Variants in MAST4 observed in about 807,000 individuals in gnomAD.
MAST4 encodes the protein microtubule-associated serine/threonine-protein kinase 4.
Under a neutral mutation model 162.7 loss-of-function variants are expected in MAST4, and 89 were observed. That is an observed-to-expected ratio of 0.55 (90% confidence interval 0.46 to 0.65). MAST4 has a LOEUF of 0.65. Ranked by LOEUF, MAST4 falls within the 30% of genes least tolerant of loss-of-function variation. The probability of loss-of-function intolerance (pLI) is 0.00; values close to 1 mark genes in which losing one functional copy is unlikely to be tolerated. For synonymous variants in MAST4, 1,479 were observed against 1,361.1 expected, an observed-to-expected ratio of 1.09 and a Z score of -1.91; for missense variants, 3,153 against 3,374.0, an observed-to-expected ratio of 0.93 and a Z score of 1.62.
At position 67,167,213 on chromosome 5, in the gene MAST4, A is replaced by G. The variant is rs1774157049; in HGVS notation, c.*162A>G. 3 of 284,422 alleles carry G rather than the reference A, an allele frequency of 1.1e-5. No individual in the cohort carries two copies. The highest frequency in any genetic ancestry group is 1.1e-4 in the South Asian group (1 of 9,396). 17.6% of individuals were successfully genotyped at this position (284,422 alleles called of 1,614,324 possible). The stretch of plus-strand genomic sequence containing the variant: ...AAAGACAAAGAGGGGACCTTCTTCC[A>G]GATGCCTTCCCAGTTGTAACCGGTA... On this transcript the variant is annotated 3_prime_UTR_variant, in exon 29 of 29. Transcript: ENST00000403625.
rs573534358 is a variant in MAST4, at chr5:67,109,090, TAACA to T, written c.1357-1003_1357-1000del. On this transcript the variant is annotated intron_variant, in intron 10 of 28. Transcript: ENST00000403625. ...TATTATTGAAAATTTAAATGACTAT[TAACA>T]AACAGTTTTGCTCTCAGAATATTTG... Among the ~76,000 whole-genome samples, 181 of 152,266 alleles carry T rather than the reference TAACA, an allele frequency of 1.2e-3. 1 individual carries two copies. The Middle Eastern group carries it at 0.02, about 17-fold the overall frequency.
At chr5:66,816,490 A>T (rs1445880521) in intron 3 of MAST4, among the ~76,000 whole-genome samples, 1 of 152,166 alleles carries the variant, frequency 6.6e-6, no homozygotes, top group African/African-American at 2.4e-5. Flanking sequence ...GAGCTGTTTT[A>T]TGTAAGAGTG....
intron 4 of MAST4, among the ~76,000 whole-genome samples, chr5:66,935,595 C>T (rs1489198973): frequency 1.3e-5 from 2 of 152,086 alleles, no homozygotes; most frequent in East Asian, 3.9e-4. Context: ...CTTGTAGCTG[C>T]ATTTGCCACC....
At chr5:66,917,106 T>C (rs984958230) in intron 4 of MAST4, 13 of 711,368 alleles carry the variant, frequency 1.8e-5, no homozygotes, top group African/African-American at 1.8e-4. Context: ...ATTTTCTACA[T>C]TCTCACCAGC....
intron 3 of MAST4, among the ~76,000 whole-genome samples, chr5:66,805,721 C>T (rs755924645): frequency 3.3e-5 from 5 of 152,144 alleles, no homozygotes; most frequent in Non-Finnish European, 7.4e-5. Flanking sequence ...TAACCCTGGA[C>T]CTTGTTGTTT....
In MAST4 at chr5:66,894,816, A is replaced by C. The variant is rs370553759; in HGVS notation, c.643-5135A>C. Among the ~76,000 whole-genome samples the C allele has an allele frequency of 7.2e-5, 11 of 152,302 alleles. 1 individual carries two copies. The highest frequency in any genetic ancestry group is 2.6e-4 in the African/African-American group (11 of 41,562). The stretch of plus-strand genomic sequence containing the variant: ...CCCTTTGTTTTTTGGAGGAACTCCC[A>C]AAGTGTGGATCTTGGTAGACTTGGC... On this transcript the variant is annotated intron_variant, in intron 3 of 28. Transcript: ENST00000403625.
At chr5:66,850,548 C>T (rs759853116) in intron 3 of MAST4, among the ~76,000 whole-genome samples, 90 of 152,166 alleles carry the variant, frequency 5.9e-4, no homozygotes, top group South Asian at 8.3e-4. Flanking sequence ...AAATTCCATA[C>T]CTGATCTCGT....
chr5:66,986,418 CTG>C (rs1749502687), intron 4 of MAST4: 2 of 1,472,122 alleles, frequency 1.4e-6, no homozygotes, highest in African/African-American at 2.8e-5. Context: ...TCATATCACT[CTG>C]TCTTTTTCTC....
At chr5:66,724,808 T>C (rs1202332982) in intron 1 of MAST4, among the ~76,000 whole-genome samples, 1 of 151,940 alleles carries the variant, frequency 6.6e-6, no homozygotes, top group Non-Finnish European at 1.5e-5. Flanking sequence ...AATATATAAT[T>C]ATAATATATG....
At chr5:66,809,870 G>A (rs1246099641) in intron 3 of MAST4, among the ~76,000 whole-genome samples, 1 of 152,090 alleles carries the variant, frequency 6.6e-6, no homozygotes, top group East Asian at 1.9e-4. Context: ...CGAGTAGCTG[G>A]GATTACAGGC....
intron 4 of MAST4, among the ~76,000 whole-genome samples, chr5:66,962,665 TCC>T (rs2150164231): frequency 6.6e-6 from 1 of 152,192 alleles, no homozygotes; most frequent in East Asian, 1.9e-4. Flanking sequence ...GCCACTACAC[TCC>T]AGCCTGGGTG....
intron 1 of MAST4, among the ~76,000 whole-genome samples, chr5:66,650,525 G>T (rs963041869): frequency 6.6e-6 from 1 of 152,066 alleles, no homozygotes; most frequent in African/African-American, 2.4e-5. Flanking sequence ...AAAAGCATAA[G>T]TAATAGTATA....
At position 66,762,402 on chromosome 5, in the gene MAST4, GC is replaced by G. The variant is rs142912196; in HGVS notation, c.517+2543del. On this transcript the variant is annotated intron_variant, in intron 2 of 28. Coordinates refer to ENST00000403625, the MANE Select transcript of MAST4 (RefSeq NM_001164664.2). Reference sequence around the variant, plus strand: ...TGAAATAATATACACAAAGCAGCTAGCCCAGGCAGCTGTTAGTATTATGTGC... The same window carrying G: ...TGAAATAATATACACAAAGCAGCTAGCCAGGCAGCTGTTAGTATTATGTGC... Among the ~76,000 whole-genome samples, 188 of 152,300 alleles carry G rather than the reference GC, an allele frequency of 1.2e-3. 1 individual carries two copies. The highest frequency in any genetic ancestry group is 4.4e-3 in the African/African-American group (183 of 41,542).
chr5:66,927,111 T>G (rs1318189434), intron 4 of MAST4, among the ~76,000 whole-genome samples: 2 of 152,152 alleles, frequency 1.3e-5, no homozygotes, highest in African/African-American at 4.8e-5. Flanking sequence ...CATTAAAGGG[T>G]TTGGCTTTCT....
At chr5:66,835,122 T>C (rs1223576806) in intron 3 of MAST4, among the ~76,000 whole-genome samples, 1 of 152,234 alleles carries the variant, frequency 6.6e-6, no homozygotes, top group East Asian at 1.9e-4. Flanking sequence ...TTATTGAGTG[T>C]TGCTAAAAGG....
intron 4 of MAST4, among the ~76,000 whole-genome samples, chr5:67,048,195 G>GT (rs1235282280): frequency 2.0e-5 from 3 of 152,076 alleles, no homozygotes; most frequent in African/African-American, 7.2e-5. Context: ...GATCTTTAAT[G>GT]TTGCAAAGAG....
chr5:66,963,708 C>G (rs1376289524), intron 4 of MAST4: 1 of 779,788 alleles, frequency 1.3e-6, no homozygotes, highest in Non-Finnish European at 2.4e-6. Flanking sequence ...AACTTTCAGT[C>G]TCACTCCCAG....
intron 1 of MAST4, among the ~76,000 whole-genome samples, chr5:66,682,449 A>G (rs1285207233): frequency 6.6e-6 from 1 of 152,206 alleles, no homozygotes; most frequent in Non-Finnish European, 1.5e-5. Context: ...AGCTGAGCTG[A>G]AGATAAAGAT....
rs1765373448 is a variant in MAST4, at chr5:67,104,482, G to T, written c.1263G>T (p.Leu421=). The part of the protein sequence containing the change: ...LSFTHHQIIE[L]ARDCLDKSHQ... The stretch of plus-strand genomic sequence containing the variant: ...TCACTCACCACCAGATTATTGAACT[G>T]GCTCGAGATTGCTTGGATAAATCCC... The change falls in exon 10 of 29, where the codon CTG becomes CTT. Residue 421 remains leucine, a synonymous_variant. Transcript: ENST00000403625. 1 of 1,613,728 alleles carries T rather than the reference G, an allele frequency of 6.2e-7. No individual in the cohort carries two copies. The highest frequency in any genetic ancestry group is 1.7e-5 in the Admixed American group (1 of 59,990).
Sources: gnomAD v4.1 joint callset for allele counts (sites outside exome capture counted in the v4.1 genomes callset) on GRCh38, gnomAD v4.1.1 for gene constraint, MANE v1.5 for transcripts, NCBI Gene and HGNC (gene_info 2026-07-23, HGNC 2026-07-21) for gene names.